The following TEX2 variants were observed in gnomAD, a reference collection of about 807,000 sequenced individuals.
TEX2 encodes testis-expressed protein 2.
Under a neutral mutation model 106.9 loss-of-function variants are expected in TEX2, and 53 were observed. The observed-to-expected ratio is 0.50, with a 90% CI of 0.40 to 0.62. The LOEUF (loss-of-function observed/expected upper bound fraction) is 0.62, where lower values mean the gene tolerates loss of function less well. Among genes scored for constraint, TEX2 ranks in the 20% least tolerant of loss-of-function variants. The pLI, the probability that TEX2 is intolerant of heterozygous loss-of-function variation, is 0.00. For synonymous variants in TEX2, 523 were observed against 534.8 expected, an observed-to-expected ratio of 0.98 and a Z score of 0.30; for missense variants, 1,207 against 1,379.0, an observed-to-expected ratio of 0.88 and a Z score of 1.98.
At chr17:64,155,111 C>T in intron 8 of TEX2, 144 bp from the exon 9 acceptor site, 6 of 1,053,406 alleles carry the variant, frequency 5.7e-6, no homozygotes, top group Non-Finnish European at 7.6e-6. Flanking sequence ...CTCTCCAACC[C>T]ACCCAAACCA....
chr17:64,176,876 G>C (rs1055983943), intron 6 of TEX2, among the ~76,000 whole-genome samples: 1 of 152,172 alleles, frequency 6.6e-6, no homozygotes, highest in African/African-American at 2.4e-5. Flanking sequence ...AAGTAGTCTA[G>C]CATTTTCTTC....
intron 1 of TEX2, among the ~76,000 whole-genome samples, chr17:64,249,008 C>G (rs2034042162): frequency 6.6e-6 from 1 of 150,434 alleles, no homozygotes; most frequent in Admixed American, 6.7e-5. Flanking sequence ...GCACTTGAGA[C>G]TGGGCAACAG....
At chr17:64,158,262 T>C (rs974558452) in intron 8 of TEX2, among the ~76,000 whole-genome samples, 2 of 152,210 alleles carry the variant, frequency 1.3e-5, no homozygotes, top group Non-Finnish European at 2.9e-5. Context: ...AAGGAGGACA[T>C]CTCACAGGTT....
At chr17:64,194,826 G>C in intron 3 of TEX2, 69 bp downstream of exon 3, 2 of 1,481,990 alleles carry the variant, frequency 1.3e-6, no homozygotes, top group Non-Finnish European at 1.9e-6. Flanking sequence ...AAAAAATGCA[G>C]TTAAGCATCC....
In TEX2 at chr17:64,153,441, A is replaced by G. The variant is rs1351697352; in HGVS notation, c.2931-287T>C. Among the ~76,000 whole-genome samples the G allele has an allele frequency of 6.7e-6, 1 of 148,556 alleles. No individual in the cohort carries two copies. Among genetic ancestry groups the G allele is most frequent in the Non-Finnish European group, 1.5e-5 (1 of 66,754 alleles). ...GCCAAATCACCCCCAGTTGAGAACT[A>G]CTACTTCAGAGAAGGTGTAAATGTC... is the stretch of plus-strand genomic sequence containing the variant. On this transcript the variant is annotated intron_variant, in intron 9 of 11. Coordinates refer to ENST00000584379, the MANE Select transcript of TEX2 (RefSeq NM_001288732.2). The surrounding 1 kb of genome is among the most constrained non-coding windows in gnomAD (Gnocchi z 4.1).
chr17:64,198,568 C>A (rs1247772529), intron 2 of TEX2, among the ~76,000 whole-genome samples: 1 of 152,054 alleles, frequency 6.6e-6, no homozygotes, highest in Non-Finnish European at 1.5e-5. Context: ...CTTCTTGAAT[C>A]ATTTCACTCT....
At chr17:64,182,651 C>T (rs1028864785) in intron 5 of TEX2, among the ~76,000 whole-genome samples, 4 of 152,082 alleles carry the variant, frequency 2.6e-5, no homozygotes, top group African/African-American at 9.7e-5. Flanking sequence ...CCCCTGCCCA[C>T]CAGTCTAGGA....
intron 1 of TEX2, among the ~76,000 whole-genome samples, chr17:64,216,659 C>T (rs1393605544): frequency 1.3e-5 from 2 of 152,214 alleles, no homozygotes; most frequent in Non-Finnish European, 2.9e-5. Context: ...AACAGCAATG[C>T]GTTCAGAAGC....
chr17:64,166,718 TC>T (rs1270338268), intron 7 of TEX2, among the ~76,000 whole-genome samples: 1 of 152,266 alleles, frequency 6.6e-6, no homozygotes, highest in Admixed American at 6.5e-5. Flanking sequence ...GGTAATATTT[TC>T]CTTTTTACCT....
At chr17:64,158,440 G>A (rs1169890055) in intron 8 of TEX2, among the ~76,000 whole-genome samples, 2 of 152,228 alleles carry the variant, frequency 1.3e-5, no homozygotes, top group African/African-American at 4.8e-5. Context: ...TGCAGGGAGA[G>A]CCTGCAGGAA....
chr17:64,235,125 T>G (rs2033739827), intron 1 of TEX2, among the ~76,000 whole-genome samples: 1 of 152,210 alleles, frequency 6.6e-6, no homozygotes. Flanking sequence ...CTCTAGCTAA[T>G]CACTTTACCA....
chr17:64,184,143 G>C (rs1351296647), intron 5 of TEX2, among the ~76,000 whole-genome samples: 1 of 152,190 alleles, frequency 6.6e-6, no homozygotes, highest in Non-Finnish European at 1.5e-5. Context: ...CTGTTGCTCA[G>C]GTTGAAGTGC....
intron 2 of TEX2, among the ~76,000 whole-genome samples, chr17:64,200,379 G>A (rs992739146): frequency 1.5e-4 from 23 of 152,220 alleles, no homozygotes; most frequent in African/African-American, 4.6e-4. Flanking sequence ...GATAACAAGA[G>A]CAACCATTTC....
Position 64,212,668 on chromosome 17 carries a change from G to A in TEX2, c.1550C>T (p.Thr517Ile), listed in dbSNP as rs1441966306. Residue 517 changes from threonine (T) to isoleucine (I), a missense_variant, in exon 2 of 12, where the codon ACA becomes ATA. Transcript: ENST00000584379. Reference protein sequence around the residue: ...MTAVCVIWFFTPPSAHKYHKL... With the variant: ...MTAVCVIWFFIPPSAHKYHKL... ...GTGATATTTATGAGCACTTGGTGGT[G>A]TAAAAAACCAAATCACGCAAACTGC... 6.2e-7 allele frequency: 1 copy of A among 1,614,184 alleles called. No homozygotes were observed. Among genetic ancestry groups the A allele is most frequent in the Non-Finnish European group, 8.5e-7 (1 of 1,180,012 alleles).
chr17:64,230,597 G>C (rs2033635549), intron 1 of TEX2: 2 of 152,266 alleles, frequency 1.3e-5, no homozygotes, highest in African/African-American at 4.8e-5. Context: ...ATCAGTCATT[G>C]AAAACACAGA....
At chr17:64,201,701 G>A (rs556890821) in intron 2 of TEX2, among the ~76,000 whole-genome samples, 2 of 152,234 alleles carry the variant, frequency 1.3e-5, no homozygotes, top group African/African-American at 4.8e-5. Context: ...TGGCAAAGAC[G>A]GCACTTCTCC....
intron 5 of TEX2, among the ~76,000 whole-genome samples, chr17:64,181,717 T>C (rs929208736): frequency 1.1e-4 from 16 of 151,874 alleles, no homozygotes; most frequent in Non-Finnish European, 5.9e-5. Flanking sequence ...GGCTTCTCCA[T>C]GGTAGTCAGG....
intron 6 of TEX2, among the ~76,000 whole-genome samples, chr17:64,173,545 TA>T (rs1001118312): frequency 6.6e-5 from 10 of 152,160 alleles, no homozygotes; most frequent in African/African-American, 2.2e-4. Context: ...GAGGGGATGT[TA>T]AAAAGGTTAT....
intron 4 of TEX2, among the ~76,000 whole-genome samples, chr17:64,189,601 C>T (rs150748547): frequency 2.0e-4 from 31 of 152,216 alleles, no homozygotes; most frequent in African/African-American, 5.8e-4. Context: ...GACCCTGTTG[C>T]GCCAGAGGTT....
Sources: allele counts gnomAD v4.1 joint callset (sites outside exome capture counted in the v4.1 genomes callset), GRCh38; gene constraint gnomAD v4.1.1; non-coding constraint Gnocchi (gnomAD v3.1); transcripts MANE v1.5; gene names NCBI Gene and HGNC (gene_info 2026-07-23, HGNC 2026-07-21).